Variants in WTAP observed in about 807,000 individuals in gnomAD.
The protein encoded by WTAP is pre-mRNA-splicing regulator WTAP.
Under a neutral mutation model 50.0 loss-of-function variants are expected in WTAP, and 8 were observed. That is an observed-to-expected ratio of 0.16 (90% confidence interval 0.09 to 0.29). The LOEUF (loss-of-function observed/expected upper bound fraction) is 0.29. Ranked by LOEUF, WTAP falls within the 10% of genes least tolerant of loss-of-function variation. The pLI, the probability that WTAP is intolerant of heterozygous loss-of-function variation, is 1.00. For missense variants in WTAP, 295 were observed against 470.7 expected, an observed-to-expected ratio of 0.63 and a Z score of 3.45; for synonymous variants, 194 against 169.0, an observed-to-expected ratio of 1.15 and a Z score of -1.15.
chr6:159,738,040 A>G (rs1194002484), intron 2 of WTAP, among the ~76,000 whole-genome samples: 1 of 152,204 alleles, frequency 6.6e-6, no homozygotes, highest in African/African-American at 2.4e-5. Flanking sequence ...AACTGTGAAA[A>G]TCAGGGAATT....
At chr6:159,728,148 A>G (rs769881874) in intron 1 of WTAP, among the ~76,000 whole-genome samples, 26 of 152,274 alleles carry the variant, frequency 1.7e-4, no homozygotes, top group Non-Finnish European at 3.2e-4. Flanking sequence ...GGATGTTACT[A>G]CGTTCTCTTG....
chr6:159,729,075 A>C (rs1583059563), intron 1 of WTAP, among the ~76,000 whole-genome samples: 1 of 152,320 alleles, frequency 6.6e-6, no homozygotes, highest in East Asian at 1.9e-4. Context: ...TAGAGATGAA[A>C]CACAATGTGT....
rs761146958 is a variant in WTAP, at chr6:159,736,284, C to G, written c.19C>G (p.Leu7Val). 6.2e-7 allele frequency: 1 copy of G among 1,604,196 alleles called. No individual in the cohort carries two copies. Among genetic ancestry groups the G allele is most frequent in the African/African-American group, 1.3e-5 (1 of 74,610 alleles). The change falls in exon 2 of 8, where the codon CTT becomes GTT. Residue 7 changes from leucine to valine, a missense_variant. This residue lies in a region of WTAP where 120 missense variants were observed against 287.6 expected (regional missense o/e 0.42). Transcript: ENST00000621533. Reference protein sequence around the residue: MTNEEPLPKKVRLSETD... With the variant: MTNEEPVPKKVRLSETD... The stretch of plus-strand genomic sequence containing the variant: ...ATTCAAGATGACCAACGAAGAACCT[C>G]TTCCCAAGAAGGTATGGGTTTTGGT...
intron 7 of WTAP, 53 bp from the exon 8 acceptor site, chr6:159,754,975 A>G: frequency 6.7e-7 from 1 of 1,489,194 alleles, no homozygotes; most frequent in Non-Finnish European, 9.0e-7. Context: ...CTAAAGAAAC[A>G]TTTTTCAATG....
chr6:159,741,885 C>T (rs920406411), intron 3 of WTAP: 6 of 440,394 alleles, frequency 1.4e-5, no homozygotes, highest in East Asian at 4.7e-5. Flanking sequence ...AGGGACATCG[C>T]TTGAGCCCAG....
At chr6:159,733,835 G>A (rs1435573739) in intron 1 of WTAP, among the ~76,000 whole-genome samples, 2 of 152,168 alleles carry the variant, frequency 1.3e-5, no homozygotes, top group Non-Finnish European at 2.9e-5. Flanking sequence ...AGAATTGCTT[G>A]AACCCAGGAG....
intron 6 of WTAP, among the ~76,000 whole-genome samples, chr6:159,750,576 T>A (rs6928450): frequency 0.21 from 32,039 of 152,200 alleles, 3,516 homozygotes; most frequent in East Asian, 0.4. Context: ...ATGTATATTG[T>A]TTTAAACAAA....
At chr6:159,733,148 C>T (rs1778691570) in intron 1 of WTAP, among the ~76,000 whole-genome samples, 3 of 150,486 alleles carry the variant, frequency 2.0e-5, no homozygotes, top group Non-Finnish European at 4.4e-5. Flanking sequence ...ATAAACTGGG[C>T]AACAAGGGAG....
intron 5 of WTAP, among the ~76,000 whole-genome samples, chr6:159,746,236 CTAAATT>C (rs982514071): frequency 1.3e-5 from 2 of 152,198 alleles, no homozygotes; most frequent in African/African-American, 2.4e-5. Context: ...GTGAGAGAAA[CTAAATT>C]TAAAGAGTAG....
upstream of WTAP, chr6:159,727,307 C>G (rs1391172812): frequency 1.6e-6 from 2 of 1,279,004 alleles, no homozygotes; most frequent in South Asian, 2.5e-5. Flanking sequence ...CGAGTGACTG[C>G]GGCCACGCCT....
intron 5 of WTAP, among the ~76,000 whole-genome samples, chr6:159,746,102 C>T (rs1257958309): frequency 6.6e-6 from 1 of 152,190 alleles, no homozygotes; most frequent in Non-Finnish European, 1.5e-5. Context: ...AAAACAAAGG[C>T]ATACATAAAG....
chr6:159,753,466 A>G lies in WTAP; in HGVS notation c.459A>G (p.Thr153=), dbSNP rs1476476699. The change falls in exon 7 of 8, where the codon ACA becomes ACG. Residue 153 remains threonine (T), a synonymous_variant. Coordinates refer to ENST00000621533, the MANE Select transcript of WTAP (RefSeq NM_001270531.2). ...ATGGCTCTTTCCTTTGCAGCCAAAC[A>G]GGGAAAAAGTTAATGGCGAAGTGTC... ...SAWKFTPDSQ[T]GKKLMAKCRM... The G allele has an allele frequency of 6.2e-7, 1 of 1,614,212 alleles. No individual in the cohort carries two copies. The highest frequency in any genetic ancestry group is 1.1e-5 in the South Asian group (1 of 91,082).
Position 159,755,550 on chromosome 6 carries a change from G to A in WTAP, c.1130G>A (p.Gly377Asp), listed in dbSNP as rs763169792. ...AVSGKGNRTV[G>D]SRHVQNGLDS... ...AGTGGGAAAGGTAATCGAACTGTGG[G>A]TTCCCGCCACGTTCAGAATGGCTTG... is the stretch of plus-strand genomic sequence containing the variant. Residue 377 changes from glycine (G) to aspartate (D), a missense_variant, in exon 8 of 8, where the codon GGT (glycine) becomes GAT (aspartate). By Grantham distance (94) the Gly-to-Asp change is moderately conservative. Transcript: ENST00000621533. 2.5e-6 allele frequency: 4 copies of A among 1,614,074 alleles called. No individual in the cohort carries two copies. In the South Asian group the frequency reaches 4.4e-5, roughly 18 times the overall value.
In WTAP at chr6:159,748,430, G is replaced by T; in HGVS notation, c.452+61G>T. ...GACAGTCCCACTACGAGAAAGCTGT[G>T]GTGGGACAGCCAAGTACTCGTTTCC... On this transcript the variant is annotated intron_variant, in intron 6 of 7. Transcript: ENST00000621533. The surrounding 1 kb of genome is among the most constrained non-coding windows in gnomAD (Gnocchi z 5.6). 6.3e-7 allele frequency: 1 copy of T among 1,591,870 alleles called. No homozygotes were observed. The highest frequency in any genetic ancestry group is 2.3e-5 in the East Asian group (1 of 44,326).
chr6:159,753,358 T>TA (rs1395572272), intron 6 of WTAP, 102 bp from the exon 7 acceptor site: 1 of 1,493,118 alleles, frequency 6.7e-7, no homozygotes, highest in Admixed American at 1.8e-5. Context: ...TCTGCTGTGA[T>TA]ATAGTTATGT....
chr6:159,731,712 C>T (rs1396181990), intron 1 of WTAP, among the ~76,000 whole-genome samples: 3 of 152,102 alleles, frequency 2.0e-5, no homozygotes, highest in Non-Finnish European at 4.4e-5. Flanking sequence ...AGATTAATGT[C>T]TGTCTTCAGA....
intron 3 of WTAP, among the ~76,000 whole-genome samples, chr6:159,740,746 C>T (rs1016483770): frequency 8.0e-5 from 12 of 150,564 alleles, no homozygotes; most frequent in Non-Finnish European, 2.9e-5. Flanking sequence ...GCTCTGTCAC[C>T]AGGCTGGAAT....
At chr6:159,728,035 C>A (rs1778319287) in intron 1 of WTAP, among the ~76,000 whole-genome samples, 1 of 152,242 alleles carries the variant, frequency 6.6e-6, no homozygotes, top group Admixed American at 6.5e-5. Context: ...TCGGGGTCGC[C>A]CCCTTCACCT....
chr6:159,752,708 A>G (rs1250081171), intron 6 of WTAP, among the ~76,000 whole-genome samples: 3 of 152,206 alleles, frequency 2.0e-5, no homozygotes, highest in Non-Finnish European at 4.4e-5. Context: ...TATAATAGAT[A>G]ATATTCTTGA....
Sources: allele counts gnomAD v4.1 joint callset (sites outside exome capture counted in the v4.1 genomes callset), GRCh38; gene constraint gnomAD v4.1.1; regional missense constraint gnomAD v4.1.1; non-coding constraint Gnocchi (gnomAD v3.1); transcripts MANE v1.5; gene names NCBI Gene and HGNC (gene_info 2026-07-23, HGNC 2026-07-21).